The following OPHN1 variants were observed in gnomAD, a reference collection of about 807,000 sequenced individuals.
OPHN1 encodes the protein oligophrenin 1, also known as oligophrenin-1.
In OPHN1, 11 loss-of-function variants were observed where a neutral mutation model predicts 60.7. The ratio of observed to expected loss-of-function variants is 0.18; its 90% confidence interval spans 0.11 to 0.30. The LOEUF (loss-of-function observed/expected upper bound fraction) is 0.30. OPHN1 is among the 10% of genes least tolerant of loss of function. OPHN1 has a pLI of 1.00. For missense variants in OPHN1, 449 were observed against 611.0 expected (o/e 0.73, Z 2.80); for synonymous variants, 226 against 222.6 (o/e 1.02, Z -0.14).
In OPHN1 at chrX:68,427,702, T is replaced by C. The variant is rs186752477; in HGVS notation, c.154+5165A>G. On this transcript the variant is annotated intron_variant, in intron 2 of 24. Coordinates refer to ENST00000355520, the MANE Select transcript of OPHN1 (RefSeq NM_002547.3). ...CAGGAAAGCCCCTATCTGAAGACTG[T>C]CATCCTCTATTTTCCTAGCCCATTA... 6.5e-3 allele frequency among the ~76,000 whole-genome samples: 719 copies of C among 110,071 alleles called. 7 individuals are homozygous for C. Among genetic ancestry groups the C allele is most frequent in the African/African-American group, 0.023 (692 of 30,250 alleles).
intron 15 of OPHN1, among the ~76,000 whole-genome samples, chrX:68,139,035 T>C (rs981692918): frequency 9.0e-6 from 1 of 111,594 alleles, no homozygotes; most frequent in African/African-American, 3.3e-5. Flanking sequence ...AAAATACCAA[T>C]GTATAGAAAA....
chrX:68,341,968 G>GC (rs2078354544), intron 2 of OPHN1, among the ~76,000 whole-genome samples: 1 of 85,010 alleles, frequency 1.2e-5, no homozygotes, highest in African/African-American at 4.6e-5. Context: ...AATTTTTGGT[G>GC]TTTTTTTTTT....
intron 2 of OPHN1, among the ~76,000 whole-genome samples, chrX:68,309,097 AT>A (rs2078160600): frequency 9.0e-6 from 1 of 111,169 alleles, no homozygotes; most frequent in South Asian, 3.8e-4. Context: ...TGGTTCTTGC[AT>A]TTTTAAAGGG....
intron 2 of OPHN1, among the ~76,000 whole-genome samples, chrX:68,383,219 G>A (rs1400996810): frequency 2.7e-5 from 3 of 110,626 alleles, no homozygotes; most frequent in African/African-American, 6.6e-5. Context: ...GAGAAAAATA[G>A]GTCACCTCTC....
chrX:68,407,064 C>T (rs1362831358), intron 2 of OPHN1, among the ~76,000 whole-genome samples: 1 of 111,814 alleles, frequency 8.9e-6, no homozygotes, highest in Non-Finnish European at 1.9e-5. Context: ...ATTAGCCGGG[C>T]GTAGTGGTGT....
At chrX:68,324,629 T>G (rs4827576) in intron 2 of OPHN1, among the ~76,000 whole-genome samples, 2 of 102,191 alleles carry the variant, frequency 2.0e-5, no homozygotes, top group African/African-American at 7.4e-5. Flanking sequence ...AAAAAAAAAA[T>G]CTAAAAATAA....
intron 12 of OPHN1, among the ~76,000 whole-genome samples, chrX:68,196,770 T>C (rs2077514519): frequency 8.9e-6 from 1 of 112,350 alleles, no homozygotes; most frequent in Non-Finnish European, 1.9e-5. Context: ...AAAATCATTC[T>C]GAATAAATGT....
chrX:68,195,003 A>AAGGAAGGAAGGAAGG (rs1230407967), intron 12 of OPHN1, among the ~76,000 whole-genome samples: 1 of 58,740 alleles, frequency 1.7e-5, no homozygotes, highest in Non-Finnish European at 3.2e-5. Context: ...AGAGAGAAAG[A>AAGGAAGGAAGGAAGG]AAGGAAGGAA....
Position 68,194,453 on chromosome X carries a change from T to G in OPHN1, c.1138+12A>C, listed in dbSNP as rs2077502013. 1 of 1,202,783 alleles carries G rather than the reference T, an allele frequency of 8.3e-7. No individual in the cohort carries two copies. Among genetic ancestry groups the G allele is most frequent in the Non-Finnish European group, 1.1e-6 (1 of 887,355 alleles). On this transcript the variant is annotated intron_variant, in intron 13 of 24. Coordinates refer to ENST00000355520, the MANE Select transcript of OPHN1 (RefSeq NM_002547.3). Reference sequence around the variant, plus strand: ...TTATAATGCTAGTAGACCAAAAACTTAAGTGACTCACTTTCTTGCTGTTTT... The same window carrying G: ...TTATAATGCTAGTAGACCAAAAACTGAAGTGACTCACTTTCTTGCTGTTTT...
intron 15 of OPHN1, among the ~76,000 whole-genome samples, chrX:68,174,371 T>C (rs73212865): frequency 0.21 from 23,216 of 110,100 alleles, 2,184 homozygotes; most frequent in African/African-American, 0.31. Flanking sequence ...AAAAAAGAAG[T>C]TTCAATAATT....
chrX:68,192,640 C>T (rs747234377), intron 15 of OPHN1: 11 of 343,344 alleles, frequency 3.2e-5, no homozygotes, highest in Non-Finnish European at 5.1e-5. Context: ...AAGATACCGA[C>T]TAAGCCTGGC....
intron 2 of OPHN1, among the ~76,000 whole-genome samples, chrX:68,393,886 T>TTTTTTTG (rs2078667499): frequency 3.3e-5 from 1 of 30,051 alleles, no homozygotes; most frequent in Non-Finnish European, 6.6e-5. Flanking sequence ...ATAGACTTTG[T>TTTTTTTG]TTTTTTTTTT....
chrX:68,155,164 T>C (rs2077303890), intron 15 of OPHN1, among the ~76,000 whole-genome samples: 1 of 111,896 alleles, frequency 8.9e-6, no homozygotes, highest in African/African-American at 3.2e-5. Flanking sequence ...TGTTCTGAAG[T>C]TGTGTATTAG....
intron 15 of OPHN1, among the ~76,000 whole-genome samples, chrX:68,166,257 G>A (rs990504562): frequency 8.9e-6 from 1 of 112,510 alleles, no homozygotes; most frequent in Admixed American, 9.4e-5. Context: ...CCATTGGCCA[G>A]GCACGGTGGC....
chrX:68,379,592 G>C, intron 2 of OPHN1, among the ~76,000 whole-genome samples: 1 of 106,447 alleles, frequency 9.4e-6, no homozygotes, highest in East Asian at 2.9e-4. Context: ...TTATTATTTT[G>C]AGATACGTCC....
intron 19 of OPHN1, among the ~76,000 whole-genome samples, chrX:68,089,379 C>T (rs189375620): frequency 1.3e-3 from 146 of 111,843 alleles, no homozygotes; most frequent in African/African-American, 4.7e-3. Context: ...CCCACCCACA[C>T]ACACTCGAAG....
intron 11 of OPHN1, among the ~76,000 whole-genome samples, chrX:68,199,564 G>A (rs758625559): frequency 5.1e-4 from 57 of 112,093 alleles, no homozygotes; most frequent in Non-Finnish European, 8.3e-4. Context: ...TGTGCTCCAG[G>A]GAATGTGAGT....
intron 2 of OPHN1, among the ~76,000 whole-genome samples, chrX:68,335,847 T>C (rs921567930): frequency 1.8e-5 from 2 of 111,544 alleles, no homozygotes; most frequent in African/African-American, 6.5e-5. Context: ...GAAGAATCAC[T>C]TGAACCCGAG....
At chrX:68,047,834 T>C (rs986097895) in intron 24 of OPHN1, among the ~76,000 whole-genome samples, 6 of 112,234 alleles carry the variant, frequency 5.3e-5, no homozygotes, top group Admixed American at 4.7e-4. Context: ...TCCTGGCATG[T>C]GATATGCATC....
Sources: gnomAD v4.1 joint callset for allele counts (sites outside exome capture counted in the v4.1 genomes callset) on GRCh38, gnomAD v4.1.1 for gene constraint, MANE v1.5 for transcripts, NCBI Gene and HGNC (gene_info 2026-07-23, HGNC 2026-07-21) for gene names.